Variants in VPS37A observed in about 807,000 individuals in gnomAD.
VPS37A encodes the protein VPS37A subunit of ESCRT-I.
VPS37A carries 30 observed loss-of-function variants against 49.8 expected under a neutral mutation model. The observed-to-expected ratio is 0.60, with a 90% CI of 0.45 to 0.82. The LOEUF is 0.82. VPS37A is among the 40% of genes least tolerant of loss of function. VPS37A has a pLI of 0.00. For synonymous variants in VPS37A, 195 were observed against 160.6 expected (o/e 1.21, Z -1.62); for missense variants, 593 against 464.4 (o/e 1.28, Z -2.55).
Position 17,280,268 on chromosome 8 carries a change from G to C in VPS37A, c.871G>C (p.Glu291Gln). Reference sequence around the variant, plus strand: ...AAATCTCCTTTTGGAGCCCAGCTTGGAAGCCAAAAGACAAACTGTTTTAGA... The same window carrying C: ...AAATCTCCTTTTGGAGCCCAGCTTGCAAGCCAAAAGACAAACTGTTTTAGA... ...RKNLLLEPSL[E>Q]AKRQTVLDKY... Residue 291 changes from glutamate (E) to glutamine (Q), a missense_variant, in exon 8 of 12, where the codon GAA becomes CAA. By Grantham distance (29) the Glu-to-Gln change is conservative. Coordinates refer to ENST00000324849, the MANE Select transcript of VPS37A (RefSeq NM_152415.3). The C allele has an allele frequency of 6.2e-7, 1 of 1,612,662 alleles. No homozygotes were observed. Among genetic ancestry groups the C allele is most frequent in the Non-Finnish European group, 8.5e-7 (1 of 1,179,286 alleles).
At chr8:17,266,691 A>C (rs763493683) in intron 2 of VPS37A, among the ~76,000 whole-genome samples, 8 of 152,352 alleles carry the variant, frequency 5.3e-5, no homozygotes, top group Middle Eastern at 3.4e-3. Flanking sequence ...CTGCCTGTAC[A>C]TAGGAGACCT....
intron 1 of VPS37A, among the ~76,000 whole-genome samples, chr8:17,262,360 G>A (rs760712281): frequency 9.2e-5 from 14 of 151,950 alleles, no homozygotes; most frequent in Non-Finnish European, 1.3e-4. Flanking sequence ...TTCCATTTGG[G>A]GGACTATCAA....
At chr8:17,276,547 A>G (rs1814531159) in intron 6 of VPS37A, 80 bp downstream of exon 6, 2 of 1,372,660 alleles carry the variant, frequency 1.5e-6, no homozygotes, top group African/African-American at 1.5e-5. Flanking sequence ...ATATCCATAT[A>G]AATTAAAGTT....
At chr8:17,285,523 T>C (rs1032997776) in intron 10 of VPS37A, among the ~76,000 whole-genome samples, 4 of 152,222 alleles carry the variant, frequency 2.6e-5, no homozygotes, top group Admixed American at 2.6e-4. Context: ...TCTGAAATAA[T>C]CACATTTTAA....
chr8:17,321,370 A>G, the VPS37A span, among the ~76,000 whole-genome samples: 1 of 152,230 alleles, frequency 6.6e-6, no homozygotes, highest in East Asian at 1.9e-4. Context: ...TCACCATGTC[A>G]GCACTAACAA....
chr8:17,327,925 T>C, the VPS37A span, among the ~76,000 whole-genome samples: 1 of 152,204 alleles, frequency 6.6e-6, no homozygotes, highest in Non-Finnish European at 1.5e-5. Context: ...TACCACATAC[T>C]GCACACAATT....
Position 17,247,447 on chromosome 8 carries a change from C to G in VPS37A, c.125+78C>G. On this transcript the variant is annotated intron_variant, in intron 1 of 11. Coordinates refer to ENST00000324849, the MANE Select transcript of VPS37A (RefSeq NM_152415.3). ...CTTGTCCTAACCACCCTCACAGCGC[C>G]TCAGTCTGCTCCCCACCAGCTCCTC... 9 of 1,503,920 alleles carry G rather than the reference C, an allele frequency of 6.0e-6. No individual in the cohort carries two copies. In the South Asian group the frequency reaches 8.9e-5, roughly 15 times the overall value. 93.2% of individuals were successfully genotyped at this position (1,503,920 alleles called of 1,614,324 possible). A position where few individuals can be genotyped will look rare whatever the true frequency, so the allele number is the denominator to read the frequency against.
intron 1 of VPS37A, among the ~76,000 whole-genome samples, chr8:17,258,575 A>T (rs2150358509): frequency 6.6e-6 from 1 of 152,110 alleles, no homozygotes. Flanking sequence ...TATGTATGTT[A>T]ATCTGTAATA....
chr8:17,326,445 A>G, the VPS37A span: 1 of 152,242 alleles, frequency 6.6e-6, no homozygotes, highest in Admixed American at 6.5e-5. Flanking sequence ...CTTGCAGTTC[A>G]TATAATGATC....
At chr8:17,278,227 G>C (rs1338133472) in intron 6 of VPS37A, among the ~76,000 whole-genome samples, 2 of 151,916 alleles carry the variant, frequency 1.3e-5, no homozygotes, top group Admixed American at 6.6e-5. Flanking sequence ...AGGTCTGGTT[G>C]CCCTTTTTTT....
chr8:17,318,055 A>C, the VPS37A span, among the ~76,000 whole-genome samples: 13 of 151,984 alleles, frequency 8.6e-5, no homozygotes, highest in African/African-American at 3.1e-4. Context: ...CCCTACATCA[A>C]ACTGAGCTGT....
At chr8:17,279,439 A>C (rs1035242000) in intron 6 of VPS37A, among the ~76,000 whole-genome samples, 1 of 152,140 alleles carries the variant, frequency 6.6e-6, no homozygotes, top group African/African-American at 2.4e-5. Flanking sequence ...TTGTCTGTGA[A>C]CTTGTACTTG....
Position 17,247,160 on chromosome 8 carries a change from C to CT in VPS37A, c.-84dup. The CT allele has an allele frequency of 6.5e-7, 1 of 1,538,656 alleles. No homozygotes were observed. Among genetic ancestry groups the CT allele is most frequent in the African/African-American group, 1.4e-5 (1 of 72,862 alleles). ...GCCACGGACGTCCCACCCCGCTCCT[C>CT]TGTCGCTGGAGAACCGCCGGGCCGA... On this transcript the variant is annotated 5_prime_UTR_variant, in exon 1 of 12. Coordinates refer to ENST00000324849, the MANE Select transcript of VPS37A (RefSeq NM_152415.3).
rs998617267 is a variant in VPS37A, at chr8:17,296,983, A to G, written c.*1997A>G. On this transcript the variant is annotated 3_prime_UTR_variant, in exon 12 of 12. Coordinates refer to ENST00000324849, the MANE Select transcript of VPS37A (RefSeq NM_152415.3). ...GTCACCCACGATGAAAAGAATCTGC[A>G]TTTGAATATGCCCGTATGAATGTGG... 6.6e-6 allele frequency: 1 copy of G among 152,178 alleles called. No homozygotes were observed. The highest frequency in any genetic ancestry group is 1.5e-5 in the Non-Finnish European group (1 of 68,008). 9.4% of individuals were successfully genotyped at this position (152,178 alleles called of 1,614,324 possible).
the VPS37A span, among the ~76,000 whole-genome samples, chr8:17,333,400 T>G: frequency 6.6e-6 from 1 of 152,238 alleles, no homozygotes; most frequent in Non-Finnish European, 1.5e-5. Context: ...TCAAAGATGT[T>G]GGTTTATCCT....
chr8:17,264,940 A>G (rs1347331323), intron 1 of VPS37A, among the ~76,000 whole-genome samples: 2 of 152,230 alleles, frequency 1.3e-5, no homozygotes, highest in African/African-American at 2.4e-5. Flanking sequence ...AAACTTATGA[A>G]TGTAGAATGT....
the VPS37A span, among the ~76,000 whole-genome samples, chr8:17,315,321 G>A: frequency 0.11 from 16,692 of 152,102 alleles, 1,585 homozygotes; most frequent in East Asian, 0.45. Flanking sequence ...AAAAATCAGC[G>A]GCTGCCAGGG....
intron 10 of VPS37A, among the ~76,000 whole-genome samples, chr8:17,285,787 A>C (rs1410794823): frequency 6.6e-6 from 1 of 152,226 alleles, no homozygotes; most frequent in Non-Finnish European, 1.5e-5. Context: ...GCTTAACAGT[A>C]GCAGAATTTA....
chr8:17,247,582 C>G (rs1811398689), intron 1 of VPS37A: 1 of 735,836 alleles, frequency 1.4e-6, no homozygotes, highest in Non-Finnish European at 2.4e-6. Flanking sequence ...CACTGCTCAG[C>G]GCTTCTAACT....
Sources: allele counts gnomAD v4.1 joint callset (sites outside exome capture counted in the v4.1 genomes callset), GRCh38; gene constraint gnomAD v4.1.1; transcripts MANE v1.5; gene names NCBI Gene and HGNC (gene_info 2026-07-23, HGNC 2026-07-21).